Variants in ANK2 observed in about 807,000 individuals in gnomAD.
ANK2 encodes ankyrin 2, also known as ankyrin-2.
Under a neutral mutation model 360.5 loss-of-function variants are expected in ANK2, and 83 were observed. The ratio of observed to expected loss-of-function variants is 0.23; its 90% CI spans 0.19 to 0.28. ANK2 has a LOEUF of 0.28. ANK2 is among the 10% of genes least tolerant of loss of function. The pLI is 1.00. For synonymous variants in ANK2, 1,740 were observed against 1,759.5 expected, an observed-to-expected ratio of 0.99 and a Z score of 0.28; for missense variants, 4,201 against 4,795.7, an observed-to-expected ratio of 0.88 and a Z score of 3.66.
At chr4:112,872,950 T>C (rs913172144) in intron 1 of ANK2, among the ~76,000 whole-genome samples, 1 of 152,140 alleles carries the variant, frequency 6.6e-6, no homozygotes, top group Non-Finnish European at 1.5e-5. Flanking sequence ...TTTTGGTTGA[T>C]TGTATCTTTC....
intron 2 of ANK2, among the ~76,000 whole-genome samples, chr4:113,004,116 A>G (rs1480867434): frequency 6.6e-6 from 1 of 152,204 alleles, no homozygotes; most frequent in East Asian, 1.9e-4. Context: ...ATTATTGTAC[A>G]CTAATGTTGA....
At chr4:113,189,860 G>A (rs7667099) in intron 2 of ANK2, among the ~76,000 whole-genome samples, 46,094 of 151,914 alleles carry the variant, frequency 0.3, 7,448 homozygotes, top group African/African-American at 0.41. Flanking sequence ...TATGTCAGTA[G>A]GAGAAAGTTC....
chr4:112,759,147 T>C, the ANK2 span, among the ~76,000 whole-genome samples: 1 of 152,122 alleles, frequency 6.6e-6, no homozygotes, highest in Admixed American at 6.6e-5. Flanking sequence ...AGATAGCTTT[T>C]TTTTAAGAGA....
chr4:112,893,429 C>T (rs546605995), intron 1 of ANK2, among the ~76,000 whole-genome samples: 1 of 152,254 alleles, frequency 6.6e-6, no homozygotes, highest in East Asian at 1.9e-4. Context: ...TCTCAAAGTG[C>T]TGGAATTACA....
chr4:113,357,484 T>C lies in ANK2; in HGVS notation c.8866T>C (p.Ser2956Pro). The change falls in exon 38 of 46, where the codon TCT becomes CCT. Residue 2956 changes from serine to proline, a missense_variant. Physicochemically the swap from Ser to Pro is moderately conservative, Grantham distance 74 (BLOSUM62 -1). Around this residue, in one of 4 missense-constraint regions of ANK2, gnomAD observed 2,642 missense variants for 2,714.5 expected, o/e 0.97. Coordinates refer to ENST00000357077, the MANE Select transcript of ANK2 (RefSeq NM_001148.6). The part of the protein sequence containing the change: ...TDANHTTSFH[S>P]SEVYSVTITS... ...TGCAAATCACACCACAAGTTTTCACTCTTCTGAAGTGTATTCTGTTACCAT... is the reference window on the plus strand; with the variant it reads ...TGCAAATCACACCACAAGTTTTCACCCTTCTGAAGTGTATTCTGTTACCAT... 1 of 1,614,162 alleles carries C rather than the reference T, an allele frequency of 6.2e-7. No individual in the cohort carries two copies. Among genetic ancestry groups the C allele is most frequent in the South Asian group, 1.1e-5 (1 of 91,090 alleles).
At chr4:113,107,070 T>G (rs2093717287) in intron 1 of ANK2, 1 of 351,766 alleles carries the variant, frequency 2.8e-6, no homozygotes, top group Non-Finnish European at 5.5e-6. Context: ...TTATTCTGAT[T>G]AAGGCCTGGT....
exon 1 of ANK2, chr4:112,818,116 GA>G: frequency 6.6e-6 from 1 of 152,338 alleles, no homozygotes; most frequent in Non-Finnish European, 1.5e-5. Context: ...ATTACAGTCT[GA>G]GGCTGTAATG....
intron 1 of ANK2, among the ~76,000 whole-genome samples, chr4:113,101,592 A>C (rs2092841601): frequency 6.6e-6 from 1 of 152,152 alleles, no homozygotes; most frequent in Non-Finnish European, 1.5e-5. Flanking sequence ...AAAGTTACAG[A>C]GCTCATATAA....
chr4:112,940,304 A>G (rs2094112164), intron 2 of ANK2, among the ~76,000 whole-genome samples: 1 of 152,182 alleles, frequency 6.6e-6, no homozygotes, highest in South Asian at 2.1e-4. Context: ...GATACGTATT[A>G]ATTTGAGAAG....
the ANK2 span, among the ~76,000 whole-genome samples, chr4:112,744,919 A>C: frequency 2.6e-5 from 4 of 152,226 alleles, no homozygotes; most frequent in African/African-American, 7.2e-5. Context: ...TAAGTTTATT[A>C]ACCATTTATA....
At chr4:113,303,621 A>G (rs150204375) in intron 23 of ANK2, among the ~76,000 whole-genome samples, 173 of 152,296 alleles carry the variant, frequency 1.1e-3, no homozygotes, top group African/African-American at 3.8e-3. Flanking sequence ...TTGAACTTCC[A>G]TGTAATAATC....
chr4:112,971,930 T>A (rs2039694377), intron 2 of ANK2, among the ~76,000 whole-genome samples: 1 of 152,174 alleles, frequency 6.6e-6, no homozygotes, highest in South Asian at 2.1e-4. Flanking sequence ...CACAAGATAA[T>A]TATCTGACTT....
intron 2 of ANK2, among the ~76,000 whole-genome samples, chr4:112,915,246 C>G (rs1410681463): frequency 6.6e-6 from 1 of 152,106 alleles, no homozygotes; most frequent in East Asian, 1.9e-4. Context: ...ACTCAAAGTT[C>G]ATGATGGGAG....
Position 113,357,608 on chromosome 4 carries a change from C to A in ANK2, c.8990C>A (p.Ser2997Tyr), listed in dbSNP as rs1399840504. 2 of 1,614,140 alleles carry A rather than the reference C, an allele frequency of 1.2e-6. No individual in the cohort carries two copies. Residue 2997 changes from serine (S) to tyrosine (Y), a missense_variant, in exon 38 of 46, where the codon TCC becomes TAC. This residue lies in a region of ANK2 where 2,642 missense variants were observed against 2,714.5 expected (regional missense o/e 0.97). Coordinates refer to ENST00000357077, the MANE Select transcript of ANK2 (RefSeq NM_001148.6). The stretch of plus-strand genomic sequence containing the variant: ...GAGGGCCAGGACATAAAAATGGAAT[C>A]CCAACAGGAAAGTACCTTGTGGGAA... The part of the protein sequence containing the change: ...NFEGQDIKME[S>Y]QQESTLWEMQ...
the ANK2 span, among the ~76,000 whole-genome samples, chr4:112,809,097 A>C: frequency 1.3e-5 from 2 of 151,532 alleles, no homozygotes; most frequent in African/African-American, 4.8e-5. Context: ...GAACTCAGGT[A>C]ATCCACCCAC....
chr4:112,770,860 A>T, the ANK2 span, among the ~76,000 whole-genome samples: 1 of 152,244 alleles, frequency 6.6e-6, no homozygotes, highest in African/African-American at 2.4e-5. Flanking sequence ...TGATACACTG[A>T]TGCTGATAGT....
chr4:112,723,390 G>GACTC, the ANK2 span, among the ~76,000 whole-genome samples: 2 of 152,038 alleles, frequency 1.3e-5, no homozygotes, highest in South Asian at 4.2e-4. Context: ...GGGCAGGACG[G>GACTC]ACTCACTCTG....
the ANK2 span, among the ~76,000 whole-genome samples, chr4:112,744,472 G>A: frequency 2.0e-5 from 3 of 150,844 alleles, no homozygotes; most frequent in Non-Finnish European, 4.4e-5. Flanking sequence ...TCAGCCTCCC[G>A]AGTAGCTGGG....
chr4:113,195,151 T>C (rs942856060), intron 2 of ANK2, among the ~76,000 whole-genome samples: 1 of 152,122 alleles, frequency 6.6e-6, no homozygotes, highest in Non-Finnish European at 1.5e-5. Flanking sequence ...TGCCTCTAAA[T>C]TTGGAGACCC....
Sources: gnomAD v4.1 joint callset for allele counts (sites outside exome capture counted in the v4.1 genomes callset) on GRCh38, gnomAD v4.1.1 for gene constraint, gnomAD v4.1.1 regional missense constraint, MANE v1.5 for transcripts, NCBI Gene and HGNC (gene_info 2026-07-23, HGNC 2026-07-21) for gene names.